Variants in SEC14L5 observed in about 807,000 individuals in gnomAD.
The protein encoded by SEC14L5 is SEC14-like protein 5.
SEC14L5 carries 96 observed loss-of-function variants against 84.6 expected under a neutral mutation model. That is an observed-to-expected ratio of 1.13 (90% CI 0.96 to 1.34). The LOEUF is 1.34. Ranked by LOEUF, SEC14L5 falls within the 40% of genes most tolerant of loss-of-function variation. The pLI is 0.00. For synonymous variants in SEC14L5, 546 were observed against 383.4 expected (o/e 1.42, Z -4.95); for missense variants, 1,224 against 942.5 (o/e 1.30, Z -3.91).
intron 14 of SEC14L5, among the ~76,000 whole-genome samples, chr16:5,010,119 A>G (rs1435393209): frequency 1.4e-5 from 2 of 145,668 alleles, no homozygotes; most frequent in African/African-American, 5.2e-5. Context: ...GAGGCAGGTG[A>G]ATCATCTGAA....
At chr16:4,967,541 G>A (rs1955216407) in intron 2 of SEC14L5, among the ~76,000 whole-genome samples, 1 of 145,112 alleles carries the variant, frequency 6.9e-6, no homozygotes, top group Non-Finnish European at 1.5e-5. Context: ...CCGGATTCTG[G>A]CTCTGACTTT....
Position 5,000,561 on chromosome 16 carries a change from G to A in SEC14L5, c.971-94G>A. On this transcript the variant is annotated intron_variant, in intron 8 of 15. Transcript: ENST00000251170. ...CGGGCCTTGGTGGGTTGCAGCCTGAGGAGGTGAAGCTCTCACCTGCAGCTG... is the reference window on the plus strand; with the variant it reads ...CGGGCCTTGGTGGGTTGCAGCCTGAAGAGGTGAAGCTCTCACCTGCAGCTG... 3.2e-6 allele frequency: 3 copies of A among 926,608 alleles called. No homozygotes were observed. In the South Asian group the frequency reaches 4.6e-5, roughly 14 times the overall value. The allele number at this position is 926,608 out of a possible 1,614,324, so 57.4% of individuals were successfully genotyped here. A position where few individuals can be genotyped will look rare whatever the true frequency, so the allele number is the denominator to read the frequency against.
intron 14 of SEC14L5, among the ~76,000 whole-genome samples, chr16:5,009,674 T>G (rs1306760063): frequency 1.3e-5 from 2 of 152,086 alleles, no homozygotes; most frequent in Admixed American, 6.6e-5. Flanking sequence ...AAGGTCACGT[T>G]CTGAGGTTCT....
chr16:5,010,442 C>A (rs972727091), intron 14 of SEC14L5, among the ~76,000 whole-genome samples: 6 of 152,282 alleles, frequency 3.9e-5, no homozygotes, highest in African/African-American at 4.8e-5. Flanking sequence ...TGTTGATCCC[C>A]ACATTCTCCA....
intron 11 of SEC14L5, 51 bp downstream of exon 11, chr16:5,003,624 G>GGGGGGGGGGGGGCCCC: frequency 3.3e-6 from 1 of 305,312 alleles, no homozygotes; most frequent in Non-Finnish European, 6.5e-6. Context: ...GGTGGGATGG[G>GGGGGGGGGGGGGCCCC]AGGGGTTCCG....
intron 10 of SEC14L5, among the ~76,000 whole-genome samples, chr16:5,003,146 C>T (rs1229278481): frequency 6.6e-6 from 1 of 152,258 alleles, no homozygotes; most frequent in Non-Finnish European, 1.5e-5. Context: ...CTACCTTTGC[C>T]ACTGTCCTAT....
At chr16:4,964,623 C>T (rs796402537) in intron 2 of SEC14L5, among the ~76,000 whole-genome samples, 4 of 152,130 alleles carry the variant, frequency 2.6e-5, no homozygotes, top group African/African-American at 9.6e-5. Flanking sequence ...TCTCTCTGCT[C>T]GAGGCCTCAG....
chr16:4,985,145 C>T (rs1955469589), intron 2 of SEC14L5, among the ~76,000 whole-genome samples: 2 of 152,056 alleles, frequency 1.3e-5, no homozygotes, highest in South Asian at 4.1e-4. Flanking sequence ...AATCCAAGTT[C>T]ATAAAGATTT....
In SEC14L5 at chr16:5,007,363, C is replaced by T. The variant is rs752177646; in HGVS notation, c.1449C>T (p.Pro483=). Residue 483 remains proline (P), a synonymous_variant, in exon 13 of 16, where the codon CCC becomes CCT. Coordinates refer to ENST00000251170, the MANE Select transcript of SEC14L5 (RefSeq NM_014692.2). The stretch of plus-strand genomic sequence containing the variant: ...TCTCTGACCTGCAGTGTAATGTCCC[C>T]GAAGGAGGGCTGGTCCCCAAGTCCC... ...FLGGESVCNV[P]EGGLVPKSLY... is the part of the protein sequence containing the mutation. 8.7e-6 allele frequency: 14 copies of T among 1,613,664 alleles called. No homozygotes were observed. The highest frequency in any genetic ancestry group is 4.0e-5 in the African/African-American group (3 of 74,910).
At chr16:5,008,385 G>A (rs112375640) in intron 13 of SEC14L5, 36 bp from the exon 14 acceptor site, 24 of 1,495,778 alleles carry the variant, frequency 1.6e-5, no homozygotes, top group Non-Finnish European at 2.2e-5. Flanking sequence ...CTACTCTCTC[G>A]GCCGTGACTC....
rs1568104233 is a variant in SEC14L5 at position 4,967,561 on chromosome 16, C to CATTTTTTTTTTTT, written c.63+8175_63+8176insATTTTTTTTTTTT. Among the ~76,000 whole-genome samples the CATTTTTTTTTTTT allele has an allele frequency of 8.1e-5, 7 of 86,272 alleles. 2 individuals carry two copies. Among genetic ancestry groups the CATTTTTTTTTTTT allele is most frequent in the Non-Finnish European group, 4.5e-5 (2 of 44,520 alleles). 56.6% of individuals were successfully genotyped at this position (86,272 alleles called of 152,430 possible). ...TTCTGGCTCTGACTTTTCTTTCTTTCGTTTTTTTTTTTTTTTTTTTTTTTT... is the reference window on the plus strand; with the variant it reads ...TTCTGGCTCTGACTTTTCTTTCTTTCATTTTTTTTTTTTGTTTTTTTTTTTTTTTTTTTTTTTT... On this transcript the variant is annotated intron_variant, in intron 2 of 15. Coordinates refer to ENST00000251170, the MANE Select transcript of SEC14L5 (RefSeq NM_014692.2).
chr16:5,008,311 C>A, intron 13 of SEC14L5, 110 bp from the exon 14 acceptor site: 1 of 742,870 alleles, frequency 1.3e-6, no homozygotes, highest in Non-Finnish European at 2.3e-6. Flanking sequence ...GAGCGTGTGC[C>A]TGGGAAAGGA....
At chr16:4,978,730 G>A (rs996724258) in intron 2 of SEC14L5, among the ~76,000 whole-genome samples, 1 of 152,040 alleles carries the variant, frequency 6.6e-6, no homozygotes, top group Non-Finnish European at 1.5e-5. Flanking sequence ...AGCCTCCCGA[G>A]TAGCTGGAAC....
chr16:4,988,948 C>A (rs1024080073), intron 4 of SEC14L5, among the ~76,000 whole-genome samples: 3 of 152,204 alleles, frequency 2.0e-5, no homozygotes, highest in African/African-American at 7.2e-5. Context: ...AGGCTGGATC[C>A]AGCAGGGAGA....
chr16:4,959,738 A>G (rs1046030333), intron 2 of SEC14L5, among the ~76,000 whole-genome samples: 8 of 152,214 alleles, frequency 5.3e-5, no homozygotes, highest in Non-Finnish European at 7.3e-5. Context: ...GATAATGACA[A>G]CAGCTGTTTA....
intron 15 of SEC14L5, among the ~76,000 whole-genome samples, chr16:5,011,670 G>T (rs989297773): frequency 2.0e-4 from 31 of 152,296 alleles, no homozygotes; most frequent in African/African-American, 7.0e-4. Flanking sequence ...TGCTTTCAGA[G>T]AGACAGGGAA....
At chr16:4,978,694 C>G (rs931566396) in intron 2 of SEC14L5, among the ~76,000 whole-genome samples, 7 of 152,050 alleles carry the variant, frequency 4.6e-5, no homozygotes, top group African/African-American at 1.7e-4. Flanking sequence ...GCTCCGCCTC[C>G]TGGGTTCAGG....
In SEC14L5 at chr16:5,016,923, G is replaced by A. The variant is rs1029861131; in HGVS notation, c.*1953G>A. 1 of 152,216 alleles carries A rather than the reference G, an allele frequency of 6.6e-6. No individual in the cohort carries two copies. Among genetic ancestry groups the A allele is most frequent in the African/African-American group, 2.4e-5 (1 of 41,454 alleles). 9.4% of individuals were successfully genotyped at this position (152,216 alleles called of 1,614,324 possible). On this transcript the variant is annotated 3_prime_UTR_variant, in exon 16 of 16. Coordinates refer to ENST00000251170, the MANE Select transcript of SEC14L5 (RefSeq NM_014692.2). ...GGTGTGTGTGCACATGTGTGCATAA[G>A]AGACCGACTGATTGGAAGGAGACGT...
intron 11 of SEC14L5, 89 bp from the exon 12 acceptor site, chr16:5,005,825 C>T (rs1460185268): frequency 2.1e-5 from 28 of 1,311,658 alleles, no homozygotes; most frequent in Non-Finnish European, 2.7e-5. Flanking sequence ...GATCATGCCA[C>T]TGCACTCCAG....
Sources: allele counts gnomAD v4.1 joint callset (sites outside exome capture counted in the v4.1 genomes callset), GRCh38; gene constraint gnomAD v4.1.1; transcripts MANE v1.5; gene names NCBI Gene and HGNC (gene_info 2026-07-23, HGNC 2026-07-21).